GLDN: variants seen among roughly 807,000 people sequenced by gnomAD.
The protein encoded by GLDN is gliomedin.
GLDN carries 47 observed loss-of-function variants against 56.5 expected under a neutral mutation model. The ratio of observed to expected loss-of-function variants is 0.83; its 90% CI spans 0.66 to 1.06. The LOEUF (loss-of-function observed/expected upper bound fraction) is 1.06, where lower values mean the gene tolerates loss of function less well. Among genes scored for constraint, GLDN ranks in the 50% least tolerant of loss-of-function variants. The pLI, the probability that GLDN is intolerant of heterozygous loss-of-function variation, is 0.00. For synonymous variants in GLDN, 332 were observed against 278.8 expected (o/e 1.19, Z -1.90); for missense variants, 782 against 714.3 (o/e 1.09, Z -1.08).
chr15:51,401,736 C>A lies in GLDN; in HGVS notation c.1171C>A (p.Leu391Ile). 1 of 1,613,406 alleles carries A rather than the reference C, an allele frequency of 6.2e-7. No homozygotes were observed. Among genetic ancestry groups the A allele is most frequent in the Admixed American group, 1.7e-5 (1 of 59,996 alleles). The change falls in exon 9 of 10, where the codon CTA becomes ATA. Residue 391 changes from leucine (L) to isoleucine (I), a missense_variant. Leu to Ile is a conservative substitution (Grantham distance 5). Coordinates refer to ENST00000335449, the MANE Select transcript of GLDN (RefSeq NM_181789.4). ...CTACCACAAAGGGGGTTCTAATACCCTAGTGAGGTAAGTCGCACCACAGCA... is the reference window on the plus strand; with the variant it reads ...CTACCACAAAGGGGGTTCTAATACCATAGTGAGGTAAGTCGCACCACAGCA... Reference protein sequence around the residue: ...LYYHKGGSNTLVRFEFGQETS... With the variant: ...LYYHKGGSNTIVRFEFGQETS...
intron 4 of GLDN, among the ~76,000 whole-genome samples, chr15:51,388,486 G>C (rs74016739): frequency 4.1e-4 from 63 of 152,236 alleles, no homozygotes; most frequent in African/African-American, 1.5e-3. Context: ...TTACCCCATA[G>C]GGACTATTTG....
At chr15:51,386,392 AG>A (rs1197876711) in intron 4 of GLDN, among the ~76,000 whole-genome samples, 1 of 152,144 alleles carries the variant, frequency 6.6e-6, no homozygotes, top group East Asian at 1.9e-4. Flanking sequence ...CACACTGCTG[AG>A]GCCCCGAGGC....
intron 4 of GLDN, among the ~76,000 whole-genome samples, chr15:51,394,171 A>G (rs760708503): frequency 6.6e-6 from 1 of 152,222 alleles, no homozygotes; most frequent in Non-Finnish European, 1.5e-5. Context: ...AACACTCACT[A>G]TTATGGCAGC....
At position 51,357,689 on chromosome 15, in the gene GLDN, C is replaced by T. The variant is rs372461779; in HGVS notation, c.363+15642C>T. Among the ~76,000 whole-genome samples, 4 of 152,198 alleles carry T rather than the reference C, an allele frequency of 2.6e-5. No homozygotes were observed. The East Asian group carries it at 5.8e-4, about 22-fold the overall frequency. ...TCATCCCGAACTCCCAGCACTGACC[C>T]GGTTGAGATCATGGCACAGCCAGAA... On this transcript the variant is annotated intron_variant, in intron 1 of 9. Coordinates refer to ENST00000335449, the MANE Select transcript of GLDN (RefSeq NM_181789.4).
At chr15:51,348,533 T>G (rs1046959971) in intron 1 of GLDN, among the ~76,000 whole-genome samples, 14 of 151,956 alleles carry the variant, frequency 9.2e-5, no homozygotes, top group Non-Finnish European at 1.8e-4. Flanking sequence ...GAAATCTCAC[T>G]ATCTTGCCCA....
intron 1 of GLDN, among the ~76,000 whole-genome samples, chr15:51,354,268 C>T (rs751986756): frequency 7.9e-5 from 12 of 152,116 alleles, no homozygotes; most frequent in Non-Finnish European, 1.2e-4. Context: ...TAAGTGTACT[C>T]CAAAATGTTG....
chr15:51,395,587 C>T (rs181536152), intron 5 of GLDN, among the ~76,000 whole-genome samples: 72 of 152,264 alleles, frequency 4.7e-4, no homozygotes, highest in African/African-American at 1.6e-3. Flanking sequence ...AGGACAAAAA[C>T]AGCCCAGGGG....
Position 51,401,616 on chromosome 15 carries a change from G to A in GLDN, c.1051G>A (p.Asp351Asn), listed in dbSNP as rs35223886. 0.024 allele frequency: 38,368 copies of A among 1,613,898 alleles called. 562 individuals carry two copies. The highest frequency in any genetic ancestry group is 0.029 in the Non-Finnish European group (34,094 of 1,179,832). The change falls in exon 9 of 10, where the codon GAT becomes AAT. Residue 351 changes from aspartate (D) to asparagine (N), a missense_variant. Asp to Asn is a conservative substitution (Grantham distance 23). Transcript: ENST00000335449. ...FSGIMVKEFK[D>N]QPSLLNGSYT... ...AGGCATCATGGTTAAGGAATTCAAG[G>A]ATCAGCCCTCACTTCTGAATGGCAG...
intron 5 of GLDN, 124 bp downstream of exon 5, chr15:51,395,105 C>T: frequency 9.9e-7 from 1 of 1,013,936 alleles, no homozygotes; most frequent in Non-Finnish European, 1.4e-6. Context: ...ATCTGTTTTG[C>T]AGCATGTTTT....
chr15:51,359,145 G>A (rs895050485), intron 1 of GLDN, among the ~76,000 whole-genome samples: 4 of 152,132 alleles, frequency 2.6e-5, no homozygotes, highest in African/African-American at 9.7e-5. Flanking sequence ...GCCCTCAATT[G>A]TGCCCCCTCC....
chr15:51,380,490 G>A (rs1342766234), intron 2 of GLDN, among the ~76,000 whole-genome samples: 1 of 152,200 alleles, frequency 6.6e-6, no homozygotes, highest in East Asian at 1.9e-4. Context: ...ACATGTGGGA[G>A]CTCTTCCAGA....
intron 1 of GLDN, among the ~76,000 whole-genome samples, chr15:51,359,506 T>A (rs550542767): frequency 6.6e-6 from 1 of 152,152 alleles, no homozygotes; most frequent in Admixed American, 6.5e-5. Context: ...TGGATCCCCA[T>A]TGGGACCTCA....
chr15:51,387,261 A>C (rs559220642), intron 4 of GLDN, among the ~76,000 whole-genome samples: 1 of 152,164 alleles, frequency 6.6e-6, no homozygotes, highest in Non-Finnish European at 1.5e-5. Context: ...GTCGAGTGCT[A>C]TTGGGGAACT....
intron 1 of GLDN, among the ~76,000 whole-genome samples, chr15:51,355,529 T>C (rs1031466118): frequency 5.4e-5 from 8 of 149,358 alleles, no homozygotes; most frequent in East Asian, 2.0e-4. Flanking sequence ...TTCTTTCTTT[T>C]TTTTTTTTTT....
At chr15:51,360,374 C>T (rs1279589116) in intron 1 of GLDN, 1 of 152,322 alleles carries the variant, frequency 6.6e-6, no homozygotes, top group Non-Finnish European at 1.5e-5. Flanking sequence ...TAAGCTGCCC[C>T]CTCGTCCATG....
In GLDN at chr15:51,407,649, G is replaced by T. The variant is rs1422586744; in HGVS notation, c.*2895G>T. 6.6e-6 allele frequency: 1 copy of T among 152,214 alleles called. No individual in the cohort carries two copies. The highest frequency in any genetic ancestry group is 1.9e-4 in the East Asian group (1 of 5,198). The allele number at this position is 152,214 out of a possible 1,614,324, so 9.4% of individuals were successfully genotyped here. A position where few individuals can be genotyped will look rare whatever the true frequency, so the allele number is the denominator to read the frequency against. ...TCTCCAAGTATCGTTAAGCACAGGT[G>T]CTATGACAGAAAAAGTTCTGGGGTG... On this transcript the variant is annotated 3_prime_UTR_variant, in exon 10 of 10. Transcript: ENST00000335449.
chr15:51,374,988 C>A (rs770194785), intron 1 of GLDN, among the ~76,000 whole-genome samples: 2 of 152,076 alleles, frequency 1.3e-5, no homozygotes, highest in African/African-American at 2.4e-5. Context: ...CTTGGCCTAC[C>A]AAAGCACTGG....
At chr15:51,383,365 G>T in intron 2 of GLDN, 71 bp from the exon 3 acceptor site, 1 of 1,511,164 alleles carries the variant, frequency 6.6e-7, no homozygotes, top group South Asian at 1.1e-5. Flanking sequence ...TAGGAGATTT[G>T]AAGGTCGGGG....
intron 1 of GLDN, among the ~76,000 whole-genome samples, chr15:51,349,865 G>A (rs1023129370): frequency 1.6e-4 from 25 of 151,700 alleles, no homozygotes; most frequent in African/African-American, 5.8e-4. Context: ...TCAGCCTCCC[G>A]AGTAGCTGGG....
Sources: allele counts gnomAD v4.1 joint callset (sites outside exome capture counted in the v4.1 genomes callset), GRCh38; gene constraint gnomAD v4.1.1; transcripts MANE v1.5; gene names NCBI Gene and HGNC (gene_info 2026-07-23, HGNC 2026-07-21).